Variants in CDH23 observed in about 807,000 individuals in gnomAD.
CDH23 encodes the protein cadherin-23.
A neutral mutation model predicts 317.1 loss-of-function variants in CDH23; 189 were observed. The ratio of observed to expected loss-of-function variants is 0.60; its 90% CI spans 0.53 to 0.67. The LOEUF is 0.67. CDH23 is among the 30% of genes least tolerant of loss of function. The pLI is 0.00. For synonymous variants in CDH23, 1,839 were observed against 1,876.8 expected (o/e 0.98, Z 0.52); for missense variants, 4,401 against 4,592.4 (o/e 0.96, Z 1.20).
chr10:71,444,761 C>T (rs1394258737), intron 2 of CDH23, among the ~76,000 whole-genome samples: 1 of 152,206 alleles, frequency 6.6e-6, no homozygotes, highest in African/African-American at 2.4e-5. Context: ...CTCTGGGAGC[C>T]TGGCACATGC....
At position 71,793,557 on chromosome 10, in the gene CDH23, A is replaced by T. The variant is rs1841322922; in HGVS notation, c.6629A>T (p.His2210Leu). Residue 2210 changes from histidine (H) to leucine (L), a missense_variant, in exon 48 of 70, where the codon CAC (histidine) becomes CTC (leucine). By Grantham distance (99) the His-to-Leu change is moderately conservative. This residue lies in a region of CDH23 where 3,068 missense variants were observed against 3,203.3 expected (regional missense o/e 0.96). Transcript: ENST00000224721. Reference sequence around the variant, plus strand: ...GACCTCAACCCAAAGCTAGAGTACCACATTGTCGGCATTGTGGCCAAGGAC... The same window carrying T: ...GACCTCAACCCAAAGCTAGAGTACCTCATTGTCGGCATTGTGGCCAAGGAC... ...DHDLNPKLEY[H>L]IVGIVAKDDT... The T allele has an allele frequency of 1.2e-6, 2 of 1,613,114 alleles. No homozygotes were observed. The highest frequency in any genetic ancestry group is 1.7e-6 in the Non-Finnish European group (2 of 1,179,442).
Position 71,807,966 on chromosome 10 carries a change from T to C in CDH23, c.8681T>C (p.Leu2894Pro). 6.3e-7 allele frequency: 1 copy of C among 1,599,190 alleles called. No individual in the cohort carries two copies. ...CTGGCCATCCACTACTTCCGGGCCC[T>C]TGCCAACGACTCTGAAGATGTGGGC... ...SILAIHYFRA[L>P]ANDSEDVGQV... Residue 2894 changes from leucine (L) to proline (P), a missense_variant, in exon 60 of 70, where the codon CTT becomes CCT. Transcript: ENST00000224721.
At chr10:71,774,804 G>A (rs1840779920) in intron 38 of CDH23, among the ~76,000 whole-genome samples, 1 of 152,178 alleles carries the variant, frequency 6.6e-6, no homozygotes. Context: ...AGGCTGAGAG[G>A]CAGAGGACAC....
intron 38 of CDH23, among the ~76,000 whole-genome samples, chr10:71,756,414 G>A (rs910487774): frequency 6.6e-6 from 1 of 152,184 alleles, no homozygotes; most frequent in African/African-American, 2.4e-5. Flanking sequence ...TCCCCTGTTG[G>A]TAGACATGTT....
intron 3 of CDH23, among the ~76,000 whole-genome samples, chr10:71,476,920 A>G (rs1851822604): frequency 6.6e-6 from 1 of 152,160 alleles, no homozygotes; most frequent in African/African-American, 2.4e-5. Flanking sequence ...AGCACTGGAA[A>G]TGTTAGGGCT....
rs1852674143 is a variant in CDH23 at position 71,491,772 on chromosome 10, A to C, written c.146-18310A>C. Among the ~76,000 whole-genome samples the C allele has an allele frequency of 3.9e-5, 6 of 152,256 alleles. No individual in the cohort carries two copies. The South Asian group carries it at 1.2e-3, about 32-fold the overall frequency. ...AAAGGAGAGCAGGAGTTTAGCCCCA[A>C]ATCTGCTCCTGTTTGTGGGGTGTCC... On this transcript the variant is annotated intron_variant, in intron 3 of 69. Transcript: ENST00000224721.
intron 38 of CDH23, among the ~76,000 whole-genome samples, chr10:71,774,012 A>G (rs1840756152): frequency 6.6e-6 from 1 of 151,660 alleles, no homozygotes. Flanking sequence ...GTTTAACTGT[A>G]GATTCAGAGC....
intron 6 of CDH23, among the ~76,000 whole-genome samples, chr10:71,550,559 CAA>C (rs1222399834): frequency 4.4e-5 from 2 of 45,742 alleles, no homozygotes; most frequent in Non-Finnish European, 8.2e-5. Context: ...GACCCTGTCT[CAA>C]AAAAAAAAAA....
chr10:71,739,730 C>G lies in CDH23; in HGVS notation c.4446C>G (p.Ala1482=). The change falls in exon 36 of 70, where the codon GCC becomes GCG. Residue 1482 remains alanine (A), a synonymous_variant. Coordinates refer to ENST00000224721, the MANE Select transcript of CDH23 (RefSeq NM_022124.6). The stretch of plus-strand genomic sequence containing the variant: ...ACTCCATTGGCGAAGTGTTTGTGGC[C>G]AGGCCCCTGGACAGAGAAGAGCTGG... ...TNDSIGEVFV[A]RPLDREELDH... The G allele has an allele frequency of 6.2e-7, 1 of 1,613,350 alleles. No homozygotes were observed. Among genetic ancestry groups the G allele is most frequent in the Non-Finnish European group, 8.5e-7 (1 of 1,179,690 alleles).
chr10:71,433,669 G>A (rs1849494258), intron 1 of CDH23, among the ~76,000 whole-genome samples: 2 of 151,888 alleles, frequency 1.3e-5, no homozygotes, highest in Middle Eastern at 3.4e-3. Flanking sequence ...CCCTCAGCCA[G>A]CTCCACCTGC....
Position 71,682,548 on chromosome 10 carries a change from C to T in CDH23, c.1962C>T (p.Thr654=), listed in dbSNP as rs371365429. The change falls in exon 18 of 70, where the codon ACC becomes ACT. Residue 654 remains threonine (T), a synonymous_variant. Transcript: ENST00000224721. Reference sequence around the variant, plus strand: ...CTGGCAACCCCCCTCTCAACAGCACCGTCCCTGTCACCATCGAGGTGTTTG... The same window carrying T: ...CTGGCAACCCCCCTCTCAACAGCACTGTCCCTGTCACCATCGAGGTGTTTG... ...MDAGNPPLNS[T]VPVTIEVFDE... 19 of 1,613,600 alleles carry T rather than the reference C, an allele frequency of 1.2e-5. No individual in the cohort carries two copies. The highest frequency in any genetic ancestry group is 6.7e-5 in the African/African-American group (5 of 75,026).
chr10:71,666,574 TGA>T (rs1048666030), intron 14 of CDH23, among the ~76,000 whole-genome samples: 6 of 152,112 alleles, frequency 3.9e-5, no homozygotes, highest in Non-Finnish European at 1.5e-5. Flanking sequence ...CCTTCTGAGA[TGA>T]GAGGGGAAAA....
At position 71,456,561 on chromosome 10, in the gene CDH23, C is replaced by T. The variant is rs1223979712; in HGVS notation, c.145+10166C>T. Among the ~76,000 whole-genome samples, 5 of 152,166 alleles carry T rather than the reference C, an allele frequency of 3.3e-5. No homozygotes were observed. In the East Asian group the frequency reaches 7.8e-4, roughly 24 times the overall value. On this transcript the variant is annotated intron_variant, in intron 3 of 69. Transcript: ENST00000224721. Reference sequence around the variant, plus strand: ...TGGGGCGGGGCTGGTGTTTTGGATGCGGCCATAATAACACTAATGATAATG... The same window carrying T: ...TGGGGCGGGGCTGGTGTTTTGGATGTGGCCATAATAACACTAATGATAATG...
intron 14 of CDH23, among the ~76,000 whole-genome samples, chr10:71,647,436 C>A (rs1862947971): frequency 6.7e-6 from 1 of 150,062 alleles, no homozygotes; most frequent in African/African-American, 2.5e-5. Context: ...GCCCTCCAGC[C>A]TGGGCGACAG....
At chr10:71,696,191 C>T (rs1383212205) in intron 22 of CDH23, among the ~76,000 whole-genome samples, 1 of 152,224 alleles carries the variant, frequency 6.6e-6, no homozygotes, top group Non-Finnish European at 1.5e-5. Flanking sequence ...ACCATCTGCT[C>T]TGCTGGGAGG....
intron 14 of CDH23, among the ~76,000 whole-genome samples, chr10:71,654,807 G>A (rs867487883): frequency 1.3e-5 from 2 of 152,198 alleles, no homozygotes; most frequent in Non-Finnish European, 2.9e-5. Flanking sequence ...GGCCTCTGGG[G>A]GAGGAGTGTC....
chr10:71,739,868 C>T (rs894165632), intron 36 of CDH23, 96 bp downstream of exon 36: 3 of 1,363,068 alleles, frequency 2.2e-6, no homozygotes, highest in Non-Finnish European at 2.0e-6. Context: ...CATCAGCACA[C>T]TCTGGTGGTC....
In CDH23 at chr10:71,798,394, GC is replaced by G; in HGVS notation, c.6874del (p.Gln2292SerfsTer81). 6.2e-7 allele frequency: 1 copy of G among 1,613,926 alleles called. No homozygotes were observed. The highest frequency in any genetic ancestry group is 8.5e-7 in the Non-Finnish European group (1 of 1,179,840). ...ACGTCCTGGACGTCAATGACAATAC[GC>G]CCCAGTTCAAGCCCTTTGGGATCAC... ...VNVLDVNDNT[P>X]QFKPFGITYY... is the part of the protein sequence containing the mutation. On this transcript the variant is annotated frameshift_variant, in exon 50 of 70. Transcript: ENST00000224721. LOFTEE classifies it high-confidence loss of function.
chr10:71,588,493 TTTATTA>T (rs1021585737), intron 9 of CDH23, among the ~76,000 whole-genome samples: 2 of 152,124 alleles, frequency 1.3e-5, no homozygotes, highest in African/African-American at 4.8e-5. Flanking sequence ...GTAGGCACAC[TTTATTA>T]TTATTATTTA....
Sources: allele counts gnomAD v4.1 joint callset (sites outside exome capture counted in the v4.1 genomes callset), GRCh38; gene constraint gnomAD v4.1.1; regional missense constraint gnomAD v4.1.1; transcripts MANE v1.5; gene names NCBI Gene and HGNC (gene_info 2026-07-23, HGNC 2026-07-21).